Variants in GDI2 observed in about 807,000 individuals in gnomAD.
The protein encoded by GDI2 is GDP dissociation inhibitor 2.
GDI2 carries 22 observed loss-of-function variants against 54.2 expected under a neutral mutation model. That is an observed-to-expected ratio of 0.41 (90% CI 0.29 to 0.58). GDI2 has a LOEUF of 0.58. GDI2 is among the 20% of genes least tolerant of loss of function. GDI2 has a pLI of 0.35. For synonymous variants in GDI2, 177 were observed against 182.1 expected, an observed-to-expected ratio of 0.97 and a Z score of 0.23; for missense variants, 422 against 546.0, an observed-to-expected ratio of 0.77 and a Z score of 2.26.
chr10:5,788,210 A>C (rs1443535862), intron 4 of GDI2, among the ~76,000 whole-genome samples: 1 of 152,070 alleles, frequency 6.6e-6, no homozygotes, highest in Admixed American at 6.5e-5. Context: ...TTTCCATAGA[A>C]ACAAGGTCTC....
At chr10:5,808,698 A>T (rs1214512076) in intron 1 of GDI2, among the ~76,000 whole-genome samples, 36 of 86,710 alleles carry the variant, frequency 4.2e-4, no homozygotes, top group Non-Finnish European at 6.3e-4. Context: ...TGTTGTTATT[A>T]AAAAAAAAAA....
intron 4 of GDI2, among the ~76,000 whole-genome samples, chr10:5,791,762 A>AT (rs1041305140): frequency 2.6e-5 from 4 of 151,526 alleles, no homozygotes; most frequent in African/African-American, 4.8e-5. Context: ...AAAAAAAAAA[A>AT]AAAATAAGCC....
chr10:5,765,754 G>C lies in GDI2; in HGVS notation c.*252C>G, dbSNP rs772114152. On this transcript the variant is annotated 3_prime_UTR_variant, in exon 11 of 11. Transcript: ENST00000380191. ...TGTCTGTGTCGGTATCCCAATGTTT[G>C]TTTAACTTCACTAGAAAAAAAAAAA... 5.4e-6 allele frequency: 2 copies of C among 368,534 alleles called. No individual in the cohort carries two copies. Among genetic ancestry groups the C allele is most frequent in the Non-Finnish European group, 9.1e-6 (2 of 220,576 alleles). 22.8% of individuals were successfully genotyped at this position (368,534 alleles called of 1,614,324 possible).
intron 6 of GDI2, among the ~76,000 whole-genome samples, chr10:5,782,186 C>T (rs1185398753): frequency 6.6e-6 from 1 of 152,132 alleles, no homozygotes; most frequent in African/African-American, 2.4e-5. Context: ...TGAACAATCA[C>T]AGCACAAAAT....
rs531926886 is a variant in GDI2 at position 5,785,211 on chromosome 10, G to A, written c.650C>T (p.Ala217Val). 1.0e-5 allele frequency: 16 copies of A among 1,605,998 alleles called. No individual in the cohort carries two copies. Among genetic ancestry groups the A allele is most frequent in the Non-Finnish European group, 1.1e-5 (13 of 1,172,986 alleles). ...NRIKLYSESL[A>V]RYGKSPYLYP... ...AAGGTATGGGCTTTTGCCATATCTTGCCAAAGATTCACTGTAAAGTTTAAT... is the reference window on the plus strand; with the variant it reads ...AAGGTATGGGCTTTTGCCATATCTTACCAAAGATTCACTGTAAAGTTTAAT... Residue 217 changes from alanine (A) to valine (V), a missense_variant, in exon 6 of 11, where the codon GCA (alanine) becomes GTA (valine). Transcript: ENST00000380191.
At chr10:5,775,497 T>C (rs1453303754) in intron 6 of GDI2, among the ~76,000 whole-genome samples, 1 of 152,126 alleles carries the variant, frequency 6.6e-6, no homozygotes, top group Non-Finnish European at 1.5e-5. Context: ...GTCCTATTGA[T>C]TTGAGATGTG....
intron 1 of GDI2, among the ~76,000 whole-genome samples, chr10:5,804,096 C>CT (rs34897650): frequency 0.73 from 107,000 of 147,260 alleles, 40,111 homozygotes; most frequent in Non-Finnish European, 0.84. Context: ...ATCATTCTTT[C>CT]TTTTTTTTTT....
chr10:5,782,361 A>G (rs1442948844), intron 6 of GDI2, among the ~76,000 whole-genome samples: 2 of 152,230 alleles, frequency 1.3e-5, no homozygotes, highest in Non-Finnish European at 2.9e-5. Flanking sequence ...ACTCTCATAC[A>G]CTGCTGAGTG....
chr10:5,795,492 G>A (rs1053083230), intron 3 of GDI2, among the ~76,000 whole-genome samples: 4 of 152,050 alleles, frequency 2.6e-5, no homozygotes, highest in Middle Eastern at 3.4e-3. Context: ...CATATTACAC[G>A]TTTTTGTTAT....
chr10:5,788,161 G>A (rs536728593), intron 4 of GDI2, among the ~76,000 whole-genome samples: 1 of 151,362 alleles, frequency 6.6e-6, no homozygotes, highest in African/African-American at 2.4e-5. Flanking sequence ...AATTGAAAAA[G>A]TTCAAATCAA....
chr10:5,800,473 AAC>A (rs1841245365), intron 2 of GDI2, 123 bp downstream of exon 2: 6 of 654,900 alleles, frequency 9.2e-6, no homozygotes, highest in African/African-American at 3.6e-5. Context: ...GCTCCTGAAA[AAC>A]AGTGCTCCAG....
At chr10:5,794,396 C>T (rs1334267476) in intron 4 of GDI2, among the ~76,000 whole-genome samples, 1 of 151,342 alleles carries the variant, frequency 6.6e-6, no homozygotes, top group Non-Finnish European at 1.5e-5. Context: ...TCTGGAGCCA[C>T]ACTACCAGCA....
intron 6 of GDI2, among the ~76,000 whole-genome samples, chr10:5,780,237 C>A (rs867395215): frequency 1.4e-4 from 18 of 129,114 alleles, no homozygotes; most frequent in African/African-American, 4.0e-4. Flanking sequence ...AACAAACAAA[C>A]AAAAAAACAG....
chr10:5,798,498 A>G (rs929658577), intron 2 of GDI2, among the ~76,000 whole-genome samples: 3 of 151,944 alleles, frequency 2.0e-5, no homozygotes, highest in African/African-American at 7.3e-5. Context: ...CTGAGGCACG[A>G]GAATCGTTTG....
intron 4 of GDI2, among the ~76,000 whole-genome samples, chr10:5,791,616 G>T (rs1841014531): frequency 6.6e-6 from 1 of 152,032 alleles, no homozygotes; most frequent in African/African-American, 2.4e-5. Context: ...GCGTGGTGGT[G>T]CATGCCTGTA....
intron 7 of GDI2, among the ~76,000 whole-genome samples, chr10:5,769,712 T>C (rs765615089): frequency 3.3e-5 from 5 of 152,184 alleles, no homozygotes; most frequent in African/African-American, 4.8e-5. Context: ...ACCGTTAAGA[T>C]TGCTACTATC....
At chr10:5,769,134 C>A (rs1840427080) in intron 7 of GDI2, 2 of 151,604 alleles carry the variant, frequency 1.3e-5, no homozygotes, top group South Asian at 4.2e-4. Context: ...TTTAAAAAAA[C>A]AATAAAGAAA....
At chr10:5,797,543 CA>C (rs772570487) in intron 2 of GDI2, among the ~76,000 whole-genome samples, 6,556 of 45,118 alleles carry the variant, frequency 0.15, 96 homozygotes, top group East Asian at 0.26. Context: ...GACTCCATCT[CA>C]AAAAAAAAAA....
intron 4 of GDI2, 59 bp downstream of exon 4, chr10:5,794,826 T>C: frequency 1.7e-6 from 2 of 1,174,830 alleles, no homozygotes; most frequent in South Asian, 1.3e-5. Flanking sequence ...TTTTCCAGTA[T>C]AAAATCTCAT....
Sources: gnomAD v4.1 joint callset for allele counts (sites outside exome capture counted in the v4.1 genomes callset) on GRCh38, gnomAD v4.1.1 for gene constraint, MANE v1.5 for transcripts, NCBI Gene and HGNC (gene_info 2026-07-23, HGNC 2026-07-21) for gene names.